POU6F2: variants seen among roughly 807,000 people sequenced by gnomAD.
POU6F2 encodes the protein POU class 6 homeobox 2, also known as POU domain, class 6, transcription factor 2.
In POU6F2, 31 loss-of-function variants were observed where a neutral mutation model predicts 71.3. That is an observed-to-expected ratio of 0.43 (90% confidence interval 0.33 to 0.59). The LOEUF (loss-of-function observed/expected upper bound fraction) is 0.59. Among genes scored for constraint, POU6F2 ranks in the 20% least tolerant of loss-of-function variants. The pLI is 0.04. For synonymous variants in POU6F2, 347 were observed against 355.7 expected (o/e 0.98, Z 0.27); for missense variants, 783 against 856.8 (o/e 0.91, Z 1.07).
intron 2 of POU6F2, among the ~76,000 whole-genome samples, chr7:39,129,093 G>A (rs1792201884): frequency 6.6e-6 from 1 of 152,178 alleles, no homozygotes; most frequent in Non-Finnish European, 1.5e-5. Flanking sequence ...TGCTGGCAAA[G>A]GATTCAAAAG....
chr7:39,307,023 G>A (rs1213527111), intron 4 of POU6F2, among the ~76,000 whole-genome samples: 1 of 152,236 alleles, frequency 6.6e-6, no homozygotes, highest in Non-Finnish European at 1.5e-5. Context: ...CTCCACTGAA[G>A]TGTTTGAGGA....
intron 4 of POU6F2, among the ~76,000 whole-genome samples, chr7:39,274,853 C>G (rs1260788832): frequency 3.5e-4 from 52 of 150,016 alleles, no homozygotes; most frequent in Non-Finnish European, 5.6e-4. Context: ...TTCAACAACC[C>G]TTCATGCTAA....
chr7:39,260,133 C>T (rs1784103948), intron 4 of POU6F2, among the ~76,000 whole-genome samples: 2 of 144,836 alleles, frequency 1.4e-5, no homozygotes, highest in Non-Finnish European at 3.0e-5. Context: ...ATACCACACA[C>T]ACCACACACT....
At chr7:39,318,020 G>A (rs1202367394) in intron 4 of POU6F2, among the ~76,000 whole-genome samples, 2 of 152,018 alleles carry the variant, frequency 1.3e-5, no homozygotes, top group Non-Finnish European at 1.5e-5. Context: ...AGTAGGAAAC[G>A]TTTTTTGCTT....
At chr7:39,386,830 C>T (rs950806882) in intron 5 of POU6F2, among the ~76,000 whole-genome samples, 2 of 152,182 alleles carry the variant, frequency 1.3e-5, no homozygotes, top group Admixed American at 6.5e-5. Flanking sequence ...CTGTCTTCAA[C>T]GCACACACAA....
chr7:39,196,707 T>C (rs564123323), intron 2 of POU6F2, among the ~76,000 whole-genome samples: 155 of 151,522 alleles, frequency 1.0e-3, no homozygotes, highest in African/African-American at 3.7e-3. Context: ...TGCAGTGAGC[T>C]GAGATCAAGC....
chr7:39,015,709 A>ATAACATATAGATATAATATATC (rs1422870241), intron 1 of POU6F2, among the ~76,000 whole-genome samples: 1 of 59,612 alleles, frequency 1.7e-5, no homozygotes, highest in East Asian at 5.5e-4. Context: ...ATATATATCT[A>ATAACATATAGATATAATATATC]TGTTATATAG....
At chr7:39,261,078 C>T (rs56078380) in intron 4 of POU6F2, among the ~76,000 whole-genome samples, 1 of 103,916 alleles carries the variant, frequency 9.6e-6, no homozygotes, top group Admixed American at 8.8e-5. Context: ...CACACACACA[C>T]ACACACACAC....
In POU6F2 at chr7:39,168,169, A is replaced by G. The variant is rs142746836; in HGVS notation, c.278-36066A>G. On this transcript the variant is annotated intron_variant, in intron 2 of 9. Coordinates refer to ENST00000518318, the MANE Select transcript of POU6F2 (RefSeq NM_001370959.1). Reference sequence around the variant, plus strand: ...GGAAAAAACAAAATTAGGAATTTTGACCAAGCATCAATAATAGCCTATTTT... The same window carrying G: ...GGAAAAAACAAAATTAGGAATTTTGGCCAAGCATCAATAATAGCCTATTTT... Among the ~76,000 whole-genome samples the G allele has an allele frequency of 9.8e-4, 149 of 152,282 alleles. 2 individuals carry two copies. The South Asian group carries it at 0.022, about 22-fold the overall frequency.
chr7:39,005,805 G>C (rs116292234), intron 1 of POU6F2, among the ~76,000 whole-genome samples: 2,136 of 152,102 alleles, frequency 0.014, 50 homozygotes, highest in African/African-American at 0.048. Context: ...ATCTTCTAAA[G>C]GATCTAACAG....
At chr7:39,211,081 C>T (rs999979311) in intron 4 of POU6F2, among the ~76,000 whole-genome samples, 2 of 152,080 alleles carry the variant, frequency 1.3e-5, no homozygotes, top group Admixed American at 6.5e-5. Context: ...TCTCAGGGTT[C>T]CTTTTATAAA....
chr7:39,056,530 G>A (rs917945696), intron 1 of POU6F2, among the ~76,000 whole-genome samples: 7 of 151,332 alleles, frequency 4.6e-5, no homozygotes, highest in African/African-American at 9.7e-5. Flanking sequence ...TATAATTTTT[G>A]TATGGATAAA....
chr7:39,005,483 C>CGTGTGTGTGTGTGTGT (rs1562664637), intron 1 of POU6F2, among the ~76,000 whole-genome samples: 1 of 12,360 alleles, frequency 8.1e-5, no homozygotes, highest in African/African-American at 1.3e-4. Context: ...AAGGGAGAAA[C>CGTGTGTGTGTGTGTGT]CTGTGTGTGT....
intron 4 of POU6F2, among the ~76,000 whole-genome samples, chr7:39,320,516 T>C (rs143552103): frequency 8.5e-5 from 13 of 152,280 alleles, no homozygotes; most frequent in African/African-American, 3.1e-4. Flanking sequence ...AAAAGTGTTT[T>C]TGCAGCCCTG....
In POU6F2 at chr7:39,339,744, C is replaced by A; in HGVS notation, c.701C>A (p.Pro234Gln). 6.2e-7 allele frequency: 1 copy of A among 1,601,942 alleles called. No homozygotes were observed. The highest frequency in any genetic ancestry group is 1.3e-5 in the African/African-American group (1 of 74,796). Residue 234 changes from proline to glutamine, a missense_variant, in exon 5 of 10, where the codon CCG (proline) becomes CAG (glutamine). By Grantham distance (76) the Pro-to-Gln change is moderately conservative (BLOSUM62 -1). Coordinates refer to ENST00000518318, the MANE Select transcript of POU6F2 (RefSeq NM_001370959.1). ...CCTCCCCCGTCAACCAACCAGCACC[C>A]GCAACCAGCCCCACAGGCGCCCTCG... ...QQPPPSTNQHPQPAPQAPSQS... is the reference protein window; with the variant it reads ...QQPPPSTNQHQQPAPQAPSQS...
intron 4 of POU6F2, among the ~76,000 whole-genome samples, chr7:39,292,747 C>T: frequency 6.6e-6 from 1 of 152,072 alleles, no homozygotes. Context: ...GAGACTTCAG[C>T]AAAAACTCAG....
At chr7:39,415,169 G>C (rs1336152078) in intron 6 of POU6F2, among the ~76,000 whole-genome samples, 4 of 152,038 alleles carry the variant, frequency 2.6e-5, no homozygotes, top group African/African-American at 9.6e-5. Flanking sequence ...GATTACAGGC[G>C]CACACCACCA....
chr7:39,192,720 T>A (rs1793693758), intron 2 of POU6F2, among the ~76,000 whole-genome samples: 1 of 152,220 alleles, frequency 6.6e-6, no homozygotes. Context: ...CAGCACATTT[T>A]CTTTCTCCAC....
At chr7:39,038,907 G>A (rs1203272825) in intron 1 of POU6F2, among the ~76,000 whole-genome samples, 1 of 151,800 alleles carries the variant, frequency 6.6e-6, no homozygotes, top group Non-Finnish European at 1.5e-5. Flanking sequence ...GGAATATTAG[G>A]TCACCACAGA....
Sources: allele counts gnomAD v4.1 joint callset (sites outside exome capture counted in the v4.1 genomes callset), GRCh38; gene constraint gnomAD v4.1.1; transcripts MANE v1.5; gene names NCBI Gene and HGNC (gene_info 2026-07-23, HGNC 2026-07-21).